The following TMEM120B variants were observed in gnomAD, a reference collection of about 807,000 sequenced individuals.
The protein encoded by TMEM120B is transmembrane protein 120B.
In TMEM120B, 31 loss-of-function variants were observed where a neutral mutation model predicts 55.5. That is an observed-to-expected ratio of 0.56 (90% CI 0.42 to 0.75). TMEM120B has a LOEUF of 0.75. Among genes scored for constraint, TMEM120B ranks in the 30% least tolerant of loss-of-function variants. The probability of loss-of-function intolerance (pLI) is 0.00; values close to 1 mark genes in which losing one functional copy is unlikely to be tolerated. For missense variants in TMEM120B, 399 were observed against 425.5 expected (o/e 0.94, Z 0.55); for synonymous variants, 203 against 176.3 (o/e 1.15, Z -1.20).
intron 6 of TMEM120B, among the ~76,000 whole-genome samples, chr12:121,762,075 G>A (rs896694687): frequency 6.6e-6 from 1 of 152,052 alleles, no homozygotes; most frequent in Non-Finnish European, 1.5e-5. Flanking sequence ...GGCAGATCAC[G>A]AGGTCAGGAG....
At position 121,775,189 on chromosome 12, in the gene TMEM120B, T is replaced by TG. The variant is rs1308324705; in HGVS notation, c.906+63dup. On this transcript the variant is annotated intron_variant, in intron 11 of 11. Transcript: ENST00000449592. The surrounding 1 kb of genome is among the most constrained non-coding windows in gnomAD (Gnocchi z 4.3). ...CCCGGGAGGGCTGGGGTGGCAGGGA[T>TG]GGGGTGTATGTGTGGCATGCTGGGG... 2 of 1,004,842 alleles carry TG rather than the reference T, an allele frequency of 2.0e-6. No homozygotes were observed. The highest frequency in any genetic ancestry group is 5.7e-5 in the African/African-American group (2 of 34,946). 62.2% of individuals were successfully genotyped at this position (1,004,842 alleles called of 1,614,324 possible).
At chr12:121,769,475 GCAAGAGGAT>G (rs1873958480) in intron 6 of TMEM120B, among the ~76,000 whole-genome samples, 1 of 152,190 alleles carries the variant, frequency 6.6e-6, no homozygotes, top group Admixed American at 6.5e-5. Flanking sequence ...GAAGGCCAAG[GCAAGAGGAT>G]TGCTTGAGCC....
At position 121,778,505 on chromosome 12, in the gene TMEM120B, G is replaced by A. The variant is rs1203766658; in HGVS notation, c.*2783G>A. On this transcript the variant is annotated 3_prime_UTR_variant, in exon 12 of 12. Transcript: ENST00000449592. ...CCCTCGGCCCCAGACCTTCCCAAAG[G>A]AGGCTCAGGGATTAGGTATCTGGCT... is the stretch of plus-strand genomic sequence containing the variant. 6.6e-6 allele frequency: 1 copy of A among 151,634 alleles called. No individual in the cohort carries two copies. Among genetic ancestry groups the A allele is most frequent in the Non-Finnish European group, 1.5e-5 (1 of 68,092 alleles). The allele number at this position is 151,634 out of a possible 1,614,324, so 9.4% of individuals were successfully genotyped here.
At chr12:121,773,778 A>AC (rs1874143112) in intron 9 of TMEM120B, among the ~76,000 whole-genome samples, 1 of 152,024 alleles carries the variant, frequency 6.6e-6, no homozygotes, top group South Asian at 2.1e-4. Flanking sequence ...ACACACACAC[A>AC]AATTAGCCAT....
intron 5 of TMEM120B, among the ~76,000 whole-genome samples, chr12:121,755,771 A>G (rs1418277234): frequency 6.6e-6 from 1 of 152,186 alleles, no homozygotes; most frequent in Non-Finnish European, 1.5e-5. Flanking sequence ...GACAGCGTAG[A>G]ACATGCCTCA....
Position 121,775,388 on chromosome 12 carries a change from CTG to C in TMEM120B, c.907-218_907-217del, listed in dbSNP as rs2137423419. 1 of 973,288 alleles carries C rather than the reference CTG, an allele frequency of 1.0e-6. No individual in the cohort carries two copies. The highest frequency in any genetic ancestry group is 1.2e-6 in the Non-Finnish European group (1 of 818,970). The allele number at this position is 973,288 out of a possible 1,614,324, so 60.3% of individuals were successfully genotyped here. A position where few individuals can be genotyped will look rare whatever the true frequency, so the allele number is the denominator to read the frequency against. Reference sequence around the variant, plus strand: ...GGCTAGGGGTGGAGCCTCTCCCAATCTGTGGATCCCAAGGAGGTTCGCCCCAT... The same window carrying C: ...GGCTAGGGGTGGAGCCTCTCCCAATCTGGATCCCAAGGAGGTTCGCCCCAT... On this transcript the variant is annotated intron_variant, in intron 11 of 11. Transcript: ENST00000449592. This position sits in a 1 kb window ranked among gnomAD's most constrained non-coding sequence, Gnocchi z 4.3.
intron 9 of TMEM120B, 25 bp from the exon 10 acceptor site, chr12:121,774,633 C>T (rs528184473): frequency 1.2e-6 from 2 of 1,612,290 alleles, no homozygotes; most frequent in South Asian, 2.2e-5. Flanking sequence ...CTCAGCGGGT[C>T]CTTTTTCTTC....
chr12:121,744,128 G>A (rs1043353591), intron 2 of TMEM120B, among the ~76,000 whole-genome samples: 38 of 149,352 alleles, frequency 2.5e-4, no homozygotes, highest in African/African-American at 7.6e-4. Flanking sequence ...GCATGATTTC[G>A]GCTCACTGCA....
intron 6 of TMEM120B, among the ~76,000 whole-genome samples, chr12:121,769,751 T>C (rs573511148): frequency 6.7e-6 from 1 of 149,230 alleles, no homozygotes; most frequent in Non-Finnish European, 1.5e-5. Context: ...TGCATGCTTA[T>C]TCAACACATT....
At chr12:121,736,085 A>C (rs1895104892) in intron 1 of TMEM120B, among the ~76,000 whole-genome samples, 2 of 152,170 alleles carry the variant, frequency 1.3e-5, no homozygotes. Flanking sequence ...GTGGTGAGTT[A>C]CTAGATACGT....
chr12:121,755,674 A>G (rs1382195535), intron 5 of TMEM120B, among the ~76,000 whole-genome samples: 1 of 152,174 alleles, frequency 6.6e-6, no homozygotes, highest in African/African-American at 2.4e-5. Context: ...AGGTGATCCC[A>G]GGAGACACTG....
At position 121,781,200 on chromosome 12, in the gene TMEM120B, C is replaced by G. The variant is rs1366275684; in HGVS notation, c.*5478C>G. ...GGTCATAGTCTTCTTGCCCTGAAAG[C>G]ACAGAGCAGCGGGGGTCAGGGGACG... is the stretch of plus-strand genomic sequence containing the variant. On this transcript the variant is annotated 3_prime_UTR_variant, in exon 12 of 12. Transcript: ENST00000449592. 2 of 1,613,276 alleles carry G rather than the reference C, an allele frequency of 1.2e-6. No individual in the cohort carries two copies. The highest frequency in any genetic ancestry group is 2.7e-5 in the African/African-American group (2 of 74,916).
chr12:121,757,535 G>C (rs1285335943), intron 5 of TMEM120B, among the ~76,000 whole-genome samples: 1 of 127,376 alleles, frequency 7.9e-6, no homozygotes, highest in Non-Finnish European at 1.6e-5. Flanking sequence ...TTTTTTTTTT[G>C]AGACAGAGTC....
chr12:121,771,633 C>A, intron 8 of TMEM120B, 84 bp downstream of exon 8: 1 of 1,356,098 alleles, frequency 7.4e-7, no homozygotes, highest in South Asian at 1.2e-5. Context: ...TGACATCAAT[C>A]AGTGCTTGCC....
intron 6 of TMEM120B, among the ~76,000 whole-genome samples, chr12:121,763,458 G>C (rs1873747595): frequency 6.7e-6 from 1 of 150,312 alleles, no homozygotes; most frequent in Non-Finnish European, 1.5e-5. Context: ...CACTGCACCT[G>C]GCCGAGATGG....
intron 6 of TMEM120B, among the ~76,000 whole-genome samples, chr12:121,768,015 ACCT>A (rs1165483665): frequency 1.3e-5 from 2 of 152,020 alleles, no homozygotes; most frequent in Admixed American, 6.5e-5. Context: ...TTGCAGAGAG[ACCT>A]CCTGGTTGCT....
At chr12:121,729,250 C>T (rs560838951) in intron 1 of TMEM120B, among the ~76,000 whole-genome samples, 8 of 152,338 alleles carry the variant, frequency 5.3e-5, no homozygotes, top group South Asian at 4.1e-4. Flanking sequence ...GCAGTGCCTC[C>T]GTTGGCTCAC....
At chr12:121,762,093 C>A (rs539577152) in intron 6 of TMEM120B, among the ~76,000 whole-genome samples, 1 of 152,172 alleles carries the variant, frequency 6.6e-6, no homozygotes, top group African/African-American at 2.4e-5. Context: ...GAGATGGAGA[C>A]CAGTCTGGCC....
chr12:121,743,531 C>A (rs955681999), intron 1 of TMEM120B, 98 bp from the exon 2 acceptor site: 2 of 903,090 alleles, frequency 2.2e-6, no homozygotes, highest in Non-Finnish European at 3.4e-6. Flanking sequence ...GCACTCCAGC[C>A]TGGGTGACAG....
Sources: allele counts gnomAD v4.1 joint callset (sites outside exome capture counted in the v4.1 genomes callset), GRCh38; gene constraint gnomAD v4.1.1; non-coding constraint Gnocchi (gnomAD v3.1); transcripts MANE v1.5; gene names NCBI Gene and HGNC (gene_info 2026-07-23, HGNC 2026-07-21).